The following FSTL5 variants were observed in gnomAD, a reference collection of about 807,000 sequenced individuals.
FSTL5 encodes the protein follistatin-related protein 5.
In FSTL5, 62 loss-of-function variants were observed where a neutral mutation model predicts 89.1. The ratio of observed to expected loss-of-function variants is 0.70; its 90% CI spans 0.57 to 0.86. FSTL5 has a LOEUF of 0.86. FSTL5 is among the 40% of genes least tolerant of loss of function. FSTL5 has a pLI of 0.00. For missense variants in FSTL5, 1,057 were observed against 1,001.6 expected (o/e 1.06, Z -0.75); for synonymous variants, 383 against 346.2 (o/e 1.11, Z -1.18).
chr4:161,874,590 A>T (rs1216336078), intron 4 of FSTL5, among the ~76,000 whole-genome samples: 55 of 60,438 alleles, frequency 9.1e-4, no homozygotes, highest in Admixed American at 1.1e-3. Context: ...TTACTTTCTT[A>T]CTCTATTTTT....
At chr4:161,468,841 T>C (rs976747517) in intron 13 of FSTL5, among the ~76,000 whole-genome samples, 10 of 152,180 alleles carry the variant, frequency 6.6e-5, no homozygotes, top group Admixed American at 3.9e-4. Flanking sequence ...ATAGTATTAA[T>C]TGTGACTTTT....
At chr4:161,953,695 T>G (rs1015935463) in intron 3 of FSTL5, among the ~76,000 whole-genome samples, 1 of 151,596 alleles carries the variant, frequency 6.6e-6, no homozygotes, top group Non-Finnish European at 1.5e-5. Flanking sequence ...AAGCACATAT[T>G]TTTTTCAATG....
chr4:161,951,335 C>T (rs1181305204), intron 3 of FSTL5, among the ~76,000 whole-genome samples: 1 of 152,094 alleles, frequency 6.6e-6, no homozygotes, highest in Non-Finnish European at 1.5e-5. Context: ...TCTCTTAACC[C>T]TATTCTCTGG....
intron 4 of FSTL5, among the ~76,000 whole-genome samples, chr4:161,836,448 G>C (rs933209410): frequency 1.4e-5 from 2 of 144,012 alleles, no homozygotes; most frequent in African/African-American, 5.2e-5. Flanking sequence ...AAAACTTAAA[G>C]TATAACAATA....
At chr4:161,568,716 G>A (rs939729799) in intron 8 of FSTL5, among the ~76,000 whole-genome samples, 2 of 152,094 alleles carry the variant, frequency 1.3e-5, no homozygotes, top group East Asian at 1.9e-4. Context: ...GTTATTTTAT[G>A]TATCAGTAAA....
At chr4:162,097,030 AAG>A (rs1730789322) in intron 2 of FSTL5, among the ~76,000 whole-genome samples, 1 of 151,924 alleles carries the variant, frequency 6.6e-6, no homozygotes, top group Non-Finnish European at 1.5e-5. Flanking sequence ...ATGATAAAGC[AAG>A]AGATACTTTC....
At chr4:161,525,409 C>A (rs1475146187) in intron 10 of FSTL5, among the ~76,000 whole-genome samples, 2 of 152,028 alleles carry the variant, frequency 1.3e-5, no homozygotes, top group Admixed American at 1.3e-4. Flanking sequence ...TTCTAATGTA[C>A]AATTAAGAAA....
chr4:161,890,992 G>A lies in FSTL5; in HGVS notation c.409+29412C>T, dbSNP rs577490773. 1.8e-4 allele frequency among the ~76,000 whole-genome samples: 27 copies of A among 152,026 alleles called. No homozygotes were observed. The South Asian group carries it at 2.5e-3, about 14-fold the overall frequency. ...TGAGTTCATAAAAAAAAATTAGCTG[G>A]TTCTGCCTGATTTCTTTTCCCTAGA... On this transcript the variant is annotated intron_variant, in intron 4 of 15. Transcript: ENST00000306100.
chr4:161,639,721 G>T (rs537075527), intron 7 of FSTL5, among the ~76,000 whole-genome samples: 89 of 152,256 alleles, frequency 5.8e-4, no homozygotes, highest in African/African-American at 2.0e-3. Flanking sequence ...TTCCCTGGCA[G>T]GCAGCTGAAC....
At chr4:161,737,850 A>T (rs2126768400) in intron 6 of FSTL5, among the ~76,000 whole-genome samples, 1 of 152,048 alleles carries the variant, frequency 6.6e-6, no homozygotes. Flanking sequence ...CAACTACTTT[A>T]TAATAAGATC....
intron 2 of FSTL5, among the ~76,000 whole-genome samples, chr4:162,108,391 A>G (rs1417864686): frequency 1.3e-5 from 2 of 152,068 alleles, no homozygotes; most frequent in African/African-American, 4.8e-5. Context: ...TGGCTGGCAC[A>G]CAAATATTTG....
At chr4:161,498,241 AAG>A (rs943466457) in intron 12 of FSTL5, among the ~76,000 whole-genome samples, 42 of 152,068 alleles carry the variant, frequency 2.8e-4, no homozygotes, top group African/African-American at 8.4e-4. Context: ...TAAAGCTTTA[AAG>A]AGAGAGAAAT....
At chr4:161,492,126 A>C (rs1560921572) in intron 12 of FSTL5, among the ~76,000 whole-genome samples, 1 of 152,282 alleles carries the variant, frequency 6.6e-6, no homozygotes, top group East Asian at 1.9e-4. Context: ...GAAATTCAGT[A>C]GTATTATTTC....
chr4:161,949,104 C>G (rs1291570702), intron 3 of FSTL5, among the ~76,000 whole-genome samples: 2 of 152,156 alleles, frequency 1.3e-5, no homozygotes, highest in African/African-American at 4.8e-5. Context: ...CTTTCTTCAG[C>G]TTCCACAGGC....
At chr4:161,588,740 C>T (rs752920080) in intron 7 of FSTL5, among the ~76,000 whole-genome samples, 5 of 152,218 alleles carry the variant, frequency 3.3e-5, no homozygotes, top group Admixed American at 6.5e-5. Context: ...ACTTTACTTC[C>T]TCAACAGCTC....
At chr4:162,058,688 C>G (rs1013933324) in intron 2 of FSTL5, among the ~76,000 whole-genome samples, 1 of 151,962 alleles carries the variant, frequency 6.6e-6, no homozygotes, top group African/African-American at 2.4e-5. Flanking sequence ...CTCGGCCTCC[C>G]AAAGTGTTAG....
chr4:161,855,674 T>C (rs1200093146), intron 4 of FSTL5, among the ~76,000 whole-genome samples: 1 of 152,130 alleles, frequency 6.6e-6, no homozygotes, highest in Non-Finnish European at 1.5e-5. Context: ...CCTCTTCATA[T>C]GGTAACTAAG....
At chr4:161,462,186 A>G (rs1448186486) in intron 13 of FSTL5, among the ~76,000 whole-genome samples, 1 of 152,200 alleles carries the variant, frequency 6.6e-6, no homozygotes, top group East Asian at 1.9e-4. Context: ...TCCAGCCAAT[A>G]ACAAGGACAT....
intron 1 of FSTL5, among the ~76,000 whole-genome samples, chr4:162,153,719 A>G (rs1300021786): frequency 9.4e-6 from 1 of 106,622 alleles, no homozygotes; most frequent in East Asian, 2.4e-4. Flanking sequence ...TATGTATATA[A>G]TAATATATGT....
Sources: allele counts gnomAD v4.1 joint callset (sites outside exome capture counted in the v4.1 genomes callset), GRCh38; gene constraint gnomAD v4.1.1; transcripts MANE v1.5; gene names NCBI Gene and HGNC (gene_info 2026-07-23, HGNC 2026-07-21).